HSD11B1: variants seen among roughly 807,000 people sequenced by gnomAD.
HSD11B1 encodes 11-beta-hydroxysteroid dehydrogenase 1.
HSD11B1 carries 15 observed loss-of-function variants against 22.1 expected under a neutral mutation model. That is an observed-to-expected ratio of 0.68 (90% CI 0.45 to 1.04). The LOEUF is 1.04. Among genes scored for constraint, HSD11B1 ranks in the 50% least tolerant of loss-of-function variants. HSD11B1 has a pLI of 0.00. For synonymous variants in HSD11B1, 122 were observed against 125.2 expected (o/e 0.97, Z 0.17); for missense variants, 281 against 357.6 (o/e 0.79, Z 1.73).
chr1:209,727,610 A>G (rs553481199), intron 4 of HSD11B1, among the ~76,000 whole-genome samples: 112 of 152,334 alleles, frequency 7.4e-4, no homozygotes, highest in South Asian at 1.5e-3. Flanking sequence ...CTGTAGAGGA[A>G]GTACCACCTA....
chr1:209,722,822 G>T (rs951033386), intron 4 of HSD11B1, among the ~76,000 whole-genome samples: 2 of 152,152 alleles, frequency 1.3e-5, no homozygotes, highest in African/African-American at 4.8e-5. Flanking sequence ...TTCAATCCTT[G>T]TGCACTCCCC....
At chr1:209,689,776 A>G (rs846915) in intron 1 of HSD11B1, among the ~76,000 whole-genome samples, 8,203 of 152,168 alleles carry the variant, frequency 0.054, 402 homozygotes, top group African/African-American at 0.13. Flanking sequence ...GCAGGCTGCA[A>G]AACCATAAGC....
Position 209,734,432 on chromosome 1 carries a change from A to G in HSD11B1, c.790A>G (p.Thr264Ala). The change falls in exon 6 of 6, where the codon ACC becomes GCC. Residue 264 changes from threonine (T) to alanine (A), a missense_variant. Thr to Ala is a moderately conservative substitution (Grantham distance 58). Coordinates refer to ENST00000367027, the MANE Select transcript of HSD11B1 (RefSeq NM_005525.4). ...EEVYYDSSLW[T>A]TLLIRNPCRK... ...AGTGTATTATGACAGCTCACTCTGG[A>G]CCACTCTTCTGATCAGAAATCCATG... The G allele has an allele frequency of 6.2e-7, 1 of 1,614,116 alleles. No homozygotes were observed. The highest frequency in any genetic ancestry group is 8.5e-7 in the Non-Finnish European group (1 of 1,179,992).
intron 1 of HSD11B1, among the ~76,000 whole-genome samples, chr1:209,689,538 A>T (rs1220592676): frequency 6.6e-6 from 1 of 152,132 alleles, no homozygotes; most frequent in Non-Finnish European, 1.5e-5. Flanking sequence ...GCCTGATGTG[A>T]GGTGTTTGAG....
chr1:209,717,830 C>A (rs943921088), intron 4 of HSD11B1, among the ~76,000 whole-genome samples: 13 of 146,980 alleles, frequency 8.8e-5, no homozygotes, highest in Non-Finnish European at 1.8e-4. Flanking sequence ...CAAGATAGCA[C>A]CACTGCACTC....
rs374552497 is a variant in HSD11B1, at chr1:209,734,396, C to T, written c.754C>T (p.Arg252Cys). 19 of 1,613,922 alleles carry T rather than the reference C, an allele frequency of 1.2e-5. No individual in the cohort carries two copies. Among genetic ancestry groups the T allele is most frequent in the Admixed American group, 1.7e-5 (1 of 59,984 alleles). The change falls in exon 6 of 6, where the codon CGC (arginine) becomes TGC (cysteine). Residue 252 changes from arginine to cysteine, a missense_variant. Coordinates refer to ENST00000367027, the MANE Select transcript of HSD11B1 (RefSeq NM_005525.4). ...GGAGATCATCAAAGGGGGAGCTCTGCGCCAAGAAGAAGTGTATTATGACAG... is the reference window on the plus strand; with the variant it reads ...GGAGATCATCAAAGGGGGAGCTCTGTGCCAAGAAGAAGTGTATTATGACAG... ...ALEIIKGGAL[R>C]QEEVYYDSSL...
chr1:209,733,080 A>T (rs1460293430), intron 5 of HSD11B1, among the ~76,000 whole-genome samples: 1 of 152,182 alleles, frequency 6.6e-6, no homozygotes, highest in Non-Finnish European at 1.5e-5. Context: ...CACCACATTC[A>T]TCACTTAACC....
chr1:209,720,694 C>G (rs79077043), intron 4 of HSD11B1, among the ~76,000 whole-genome samples: 2,606 of 151,832 alleles, frequency 0.017, 28 homozygotes, highest in Non-Finnish European at 0.027. Context: ...AACTAAATGC[C>G]AACTCATGAT....
chr1:209,697,334 C>T (rs911592322), intron 1 of HSD11B1, among the ~76,000 whole-genome samples: 1 of 152,194 alleles, frequency 6.6e-6, no homozygotes, highest in African/African-American at 2.4e-5. Context: ...TCAATGCTCA[C>T]TGTTATCATT....
chr1:209,693,902 G>T (rs2076775595), intron 1 of HSD11B1, among the ~76,000 whole-genome samples: 2 of 152,128 alleles, frequency 1.3e-5, no homozygotes, highest in South Asian at 4.1e-4. Context: ...GATCTCCAAT[G>T]ATTCCTTTAT....
At chr1:209,734,253 A>T (rs1202776095) in intron 5 of HSD11B1, 51 bp from the exon 6 acceptor site, 2 of 1,449,084 alleles carry the variant, frequency 1.4e-6, no homozygotes, top group Non-Finnish European at 1.9e-6. Context: ...GCCTTCCATC[A>T]TGTAGACTGT....
intron 1 of HSD11B1, among the ~76,000 whole-genome samples, chr1:209,693,718 C>T (rs1229198909): frequency 6.6e-6 from 1 of 152,192 alleles, no homozygotes; most frequent in Non-Finnish European, 1.5e-5. Context: ...TGCATTTGAG[C>T]ATTTGAATGA....
At chr1:209,725,517 G>A (rs531617788) in intron 4 of HSD11B1, among the ~76,000 whole-genome samples, 1 of 152,186 alleles carries the variant, frequency 6.6e-6, no homozygotes, top group African/African-American at 2.4e-5. Flanking sequence ...GTTTTCCTTA[G>A]TCATGCCAGT....
At chr1:209,698,031 G>GAA (rs2076802486) in intron 1 of HSD11B1, among the ~76,000 whole-genome samples, 1 of 150,710 alleles carries the variant, frequency 6.6e-6, no homozygotes, top group African/African-American at 2.4e-5. Flanking sequence ...AACCTGGCTT[G>GAA]AATCATGTTT....
At chr1:209,713,667 C>T (rs2076912483) in intron 4 of HSD11B1, among the ~76,000 whole-genome samples, 1 of 152,162 alleles carries the variant, frequency 6.6e-6, no homozygotes, top group African/African-American at 2.4e-5. Context: ...CTGCATATAA[C>T]TTAGGCACAT....
At chr1:209,704,457 G>T (rs1331673298), upstream of HSD11B1, among the ~76,000 whole-genome samples, 1 of 151,442 alleles carries the variant, frequency 6.6e-6, no homozygotes, top group Non-Finnish European at 1.5e-5. Context: ...ACTGGGTGGG[G>T]GGGTAGGGGG....
At chr1:209,725,984 C>T (rs531051329) in intron 4 of HSD11B1, among the ~76,000 whole-genome samples, 10 of 152,256 alleles carry the variant, frequency 6.6e-5, no homozygotes, top group South Asian at 2.1e-4. Context: ...AAAGGCTAAT[C>T]GTTTTTCAGT....
At chr1:209,693,525 G>A (rs867307034) in intron 1 of HSD11B1, among the ~76,000 whole-genome samples, 2 of 152,144 alleles carry the variant, frequency 1.3e-5, no homozygotes, top group South Asian at 2.1e-4. Context: ...ATATCCACCC[G>A]TCCTCTACTT....
chr1:209,710,032 C>T (rs898292159), intron 4 of HSD11B1, among the ~76,000 whole-genome samples: 7 of 151,808 alleles, frequency 4.6e-5, no homozygotes, highest in East Asian at 3.9e-4. Flanking sequence ...TCCTTCCATC[C>T]GGCAGTGCGT....
Sources: gnomAD v4.1 joint callset for allele counts (sites outside exome capture counted in the v4.1 genomes callset) on GRCh38, gnomAD v4.1.1 for gene constraint, MANE v1.5 for transcripts, NCBI Gene and HGNC (gene_info 2026-07-23, HGNC 2026-07-21) for gene names.